The following NFXL1 variants were observed in gnomAD, a reference collection of about 807,000 sequenced individuals.
The protein encoded by NFXL1 is NF-X1-type zinc finger protein NFXL1.
Under a neutral mutation model 123.3 loss-of-function variants are expected in NFXL1, and 66 were observed. The observed-to-expected ratio is 0.54, with a 90% CI of 0.44 to 0.66. The LOEUF (loss-of-function observed/expected upper bound fraction) is 0.66, where lower values mean the gene tolerates loss of function less well. Among genes scored for constraint, NFXL1 ranks in the 30% least tolerant of loss-of-function variants. NFXL1 has a pLI of 0.00. For synonymous variants in NFXL1, 346 were observed against 360.8 expected (o/e 0.96, Z 0.46); for missense variants, 944 against 1,125.6 (o/e 0.84, Z 2.31).
At chr4:47,885,331 A>T (rs1360132147) in intron 14 of NFXL1, among the ~76,000 whole-genome samples, 167 bp downstream of exon 14, 1 of 152,124 alleles carries the variant, frequency 6.6e-6, no homozygotes, top group Non-Finnish European at 1.5e-5. Context: ...CCTTTCCTAC[A>T]CTGTGAGTTG....
In NFXL1 at chr4:47,914,031, G is replaced by GC; in HGVS notation, c.172dup (p.Ala58GlyfsTer30). 2 of 1,548,914 alleles carry GC rather than the reference G, an allele frequency of 1.3e-6. No individual in the cohort carries two copies. Among genetic ancestry groups the GC allele is most frequent in the Non-Finnish European group, 1.7e-6 (2 of 1,146,920 alleles). On this transcript the variant is annotated frameshift_variant, in exon 2 of 23. Coordinates refer to ENST00000507489, the MANE Select transcript of NFXL1 (RefSeq NM_001278624.2). LOFTEE classifies it high-confidence loss of function. ...GGGGCTGTGCCTGCTCCCTGCAGCCGCCGTGGTCGCGACTCCTCCGGGACT... is the reference window on the plus strand; with the variant it reads ...GGGGCTGTGCCTGCTCCCTGCAGCCGCCCGTGGTCGCGACTCCTCCGGGACT...
At chr4:47,864,606 A>C (rs1734948677) in intron 18 of NFXL1, among the ~76,000 whole-genome samples, 1 of 152,124 alleles carries the variant, frequency 6.6e-6, no homozygotes, top group Admixed American at 6.5e-5. Flanking sequence ...GTCCAGTCAC[A>C]CTTCTACATG....
At chr4:47,860,464 TG>T (rs1157433195) in intron 19 of NFXL1, among the ~76,000 whole-genome samples, 2 of 152,234 alleles carry the variant, frequency 1.3e-5, no homozygotes, top group African/African-American at 4.8e-5. Context: ...ACAGTGGAGC[TG>T]GAAGGATATG....
chr4:47,873,270 C>G (rs537749501), intron 18 of NFXL1, among the ~76,000 whole-genome samples: 1 of 152,260 alleles, frequency 6.6e-6, no homozygotes, highest in East Asian at 1.9e-4. Flanking sequence ...CAACTTCTTC[C>G]AAACTCCTGT....
chr4:47,891,387 T>C (rs1293295604), intron 11 of NFXL1, among the ~76,000 whole-genome samples: 1 of 152,136 alleles, frequency 6.6e-6, no homozygotes, highest in Non-Finnish European at 1.5e-5. Flanking sequence ...ACTTGGATTA[T>C]AGACATAAGC....
chr4:47,892,476 A>G (rs1411229759), intron 11 of NFXL1, among the ~76,000 whole-genome samples: 4 of 152,308 alleles, frequency 2.6e-5, no homozygotes, highest in East Asian at 1.9e-4. Context: ...GAAACAATCC[A>G]AAAGCTGAGA....
Position 47,890,658 on chromosome 4 carries a change from T to G in NFXL1, c.1498A>C (p.Thr500Pro). 6.2e-7 allele frequency: 1 copy of G among 1,611,568 alleles called. No homozygotes were observed. The highest frequency in any genetic ancestry group is 8.5e-7 in the Non-Finnish European group (1 of 1,177,918). ...CPPCDQNCGR[T>P]LGCRNHKCPS... Reference sequence around the variant, plus strand: ...CACTTATGGTTTCTACATCCTAAAGTCCGTCCACAGTTTTGATCACAAGGT... The same window carrying G: ...CACTTATGGTTTCTACATCCTAAAGGCCGTCCACAGTTTTGATCACAAGGT... Residue 500 changes from threonine (T) to proline (P), a missense_variant, in exon 12 of 23, where the codon ACT becomes CCT. Coordinates refer to ENST00000507489, the MANE Select transcript of NFXL1 (RefSeq NM_001278624.2).
chr4:47,886,982 T>C (rs1448653476), intron 12 of NFXL1, among the ~76,000 whole-genome samples: 1 of 152,194 alleles, frequency 6.6e-6, no homozygotes, highest in Non-Finnish European at 1.5e-5. Context: ...AAAGACTAAG[T>C]ACTAAGCCAC....
intron 18 of NFXL1, among the ~76,000 whole-genome samples, chr4:47,874,392 A>G (rs961180733): frequency 2.0e-5 from 3 of 152,178 alleles, no homozygotes; most frequent in African/African-American, 7.2e-5. Context: ...AGAGTTATTA[A>G]TTGGCCTAAT....
chr4:47,876,553 A>T (rs1163171405), intron 17 of NFXL1, among the ~76,000 whole-genome samples: 3 of 152,164 alleles, frequency 2.0e-5, no homozygotes, highest in Non-Finnish European at 4.4e-5. Flanking sequence ...AAAGATAGTC[A>T]GGAGTTAGAT....
At chr4:47,853,685 C>T (rs1274541117) in intron 20 of NFXL1, among the ~76,000 whole-genome samples, 1 of 151,966 alleles carries the variant, frequency 6.6e-6, no homozygotes, top group Non-Finnish European at 1.5e-5. Context: ...CTAAGCTAAG[C>T]GAGGGTACAA....
At chr4:47,856,530 T>C (rs1734426273) in intron 19 of NFXL1, among the ~76,000 whole-genome samples, 1 of 152,106 alleles carries the variant, frequency 6.6e-6, no homozygotes, top group Non-Finnish European at 1.5e-5. Context: ...ACATTTAAAT[T>C]CTCTAATTAC....
intron 19 of NFXL1, among the ~76,000 whole-genome samples, chr4:47,858,584 A>G (rs1029817742): frequency 3.9e-5 from 6 of 152,248 alleles, no homozygotes; most frequent in African/African-American, 1.2e-4. Context: ...AAAAATGACA[A>G]ACATATATAA....
chr4:47,874,974 T>A (rs1735657770), intron 18 of NFXL1, among the ~76,000 whole-genome samples, 153 bp downstream of exon 18: 1 of 152,162 alleles, frequency 6.6e-6, no homozygotes, highest in Non-Finnish European at 1.5e-5. Flanking sequence ...ACCCAGAAAG[T>A]GTAGTATTCT....
intron 22 of NFXL1, among the ~76,000 whole-genome samples, 175 bp from the exon 23 acceptor site, chr4:47,848,511 G>T (rs1172407748): frequency 6.6e-6 from 1 of 152,126 alleles, no homozygotes; most frequent in South Asian, 2.1e-4. Flanking sequence ...AACAAATTCA[G>T]GGTTTAGGTA....
chr4:47,890,816 A>G, intron 11 of NFXL1, 113 bp from the exon 12 acceptor site: 1 of 602,512 alleles, frequency 1.7e-6, no homozygotes, highest in Non-Finnish European at 3.0e-6. Context: ...TTTCACTAAA[A>G]GAAGTATTCA....
chr4:47,888,005 G>C (rs185323605), intron 12 of NFXL1, among the ~76,000 whole-genome samples: 2 of 152,244 alleles, frequency 1.3e-5, no homozygotes, highest in Admixed American at 1.3e-4. Context: ...GCTGGGCGCT[G>C]TGGCTCATGC....
intron 19 of NFXL1, among the ~76,000 whole-genome samples, chr4:47,862,213 T>C (rs1290470441): frequency 6.6e-6 from 1 of 152,224 alleles, no homozygotes; most frequent in Non-Finnish European, 1.5e-5. Context: ...TTCTAACTAC[T>C]TTTTGACAGT....
intron 4 of NFXL1, among the ~76,000 whole-genome samples, chr4:47,904,549 G>C (rs1224447059): frequency 6.6e-6 from 1 of 152,132 alleles, no homozygotes; most frequent in African/African-American, 2.4e-5. Flanking sequence ...TACCCAACCA[G>C]AGCATGTTAA....
Sources: allele counts gnomAD v4.1 joint callset (sites outside exome capture counted in the v4.1 genomes callset), GRCh38; gene constraint gnomAD v4.1.1; transcripts MANE v1.5; gene names NCBI Gene and HGNC (gene_info 2026-07-23, HGNC 2026-07-21).